SYN3: variants seen among roughly 807,000 people sequenced by gnomAD.
SYN3 encodes synapsin III, also known as synapsin-3.
SYN3 carries 35 observed loss-of-function variants against 65.8 expected under a neutral mutation model. That is an observed-to-expected ratio of 0.53 (90% CI 0.41 to 0.70). The LOEUF (loss-of-function observed/expected upper bound fraction) is 0.70. Ranked by LOEUF, SYN3 falls within the 30% of genes least tolerant of loss-of-function variation. SYN3 has a pLI of 0.00. For synonymous variants in SYN3, 270 were observed against 292.9 expected, an observed-to-expected ratio of 0.92 and a Z score of 0.80; for missense variants, 680 against 749.0, an observed-to-expected ratio of 0.91 and a Z score of 1.08.
intron 4 of SYN3, among the ~76,000 whole-genome samples, chr22:32,878,918 G>A (rs2049051978): frequency 6.6e-6 from 1 of 152,120 alleles, no homozygotes; most frequent in Non-Finnish European, 1.5e-5. Context: ...GTCCTGCATG[G>A]CCCTTGTGAC....
intron 3 of SYN3, among the ~76,000 whole-genome samples, chr22:32,980,380 C>T (rs367819554): frequency 6.6e-6 from 1 of 152,206 alleles, no homozygotes; most frequent in African/African-American, 2.4e-5. Flanking sequence ...TCCATCAGAG[C>T]AGCTCTACGT....
chr22:32,580,726 A>G (rs2058927313), intron 7 of SYN3, among the ~76,000 whole-genome samples: 1 of 152,202 alleles, frequency 6.6e-6, no homozygotes, highest in Admixed American at 6.5e-5. Flanking sequence ...CTGCCCATTC[A>G]TTTACGTATT....
At chr22:32,615,064 C>T (rs966068881) in intron 6 of SYN3, among the ~76,000 whole-genome samples, 1 of 152,124 alleles carries the variant, frequency 6.6e-6, no homozygotes, top group Non-Finnish European at 1.5e-5. Context: ...TGACACTCTG[C>T]TAAGTGCTGA....
At chr22:32,949,138 C>A (rs1411350655) in intron 3 of SYN3, among the ~76,000 whole-genome samples, 1 of 152,118 alleles carries the variant, frequency 6.6e-6, no homozygotes, top group East Asian at 1.9e-4. Flanking sequence ...TGGCCGGGCA[C>A]AGCAGCTCAC....
intron 6 of SYN3, among the ~76,000 whole-genome samples, chr22:32,710,504 A>AATG (rs540313688): frequency 1.1e-3 from 161 of 152,076 alleles, no homozygotes; most frequent in African/African-American, 3.2e-3. Context: ...GTGGTGGCAC[A>AATG]TGCCTGTAAT....
intron 1 of SYN3, among the ~76,000 whole-genome samples, chr22:33,008,743 C>T (rs1381476868): frequency 6.7e-6 from 1 of 150,084 alleles, no homozygotes; most frequent in Non-Finnish European, 1.5e-5. Flanking sequence ...GCAAAACTCT[C>T]TCTCTACTAA....
chr22:32,593,207 T>C (rs1215188260), intron 7 of SYN3, among the ~76,000 whole-genome samples: 4 of 152,148 alleles, frequency 2.6e-5, no homozygotes, highest in Non-Finnish European at 5.9e-5. Context: ...TTTCCCTTGA[T>C]CTCAGCATTT....
chr22:32,927,263 CTTTTTTT>C (rs5845052), intron 4 of SYN3, among the ~76,000 whole-genome samples: 2,767 of 125,562 alleles, frequency 0.022, 108 homozygotes, highest in African/African-American at 0.077. Flanking sequence ...AATATATTTA[CTTTTTTT>C]TTTTTTTTTT....
At position 32,859,126 on chromosome 22, in the gene SYN3, G is replaced by C. The variant is rs184622258; in HGVS notation, c.711+5789C>G. ...CTGAATCCAGGCTCGGTAGCCTCAG[G>C]CCTGGGCATACCATGGCAGAGTCCA... On this transcript the variant is annotated intron_variant, in intron 6 of 13. Coordinates refer to ENST00000358763, the MANE Select transcript of SYN3 (RefSeq NM_003490.4). 3.9e-4 allele frequency: 618 copies of C among 1,599,504 alleles called. 2 individuals carry two copies. The highest frequency in any genetic ancestry group is 1.7e-3 in the Admixed American group (102 of 60,002).
At chr22:32,800,614 T>C (rs951300874) in intron 6 of SYN3, among the ~76,000 whole-genome samples, 2 of 152,226 alleles carry the variant, frequency 1.3e-5, no homozygotes, top group African/African-American at 4.8e-5. Context: ...AATCATCTAT[T>C]ATAGCTAGTC....
At chr22:32,585,444 C>T (rs2059009429) in intron 7 of SYN3, among the ~76,000 whole-genome samples, 1 of 152,184 alleles carries the variant, frequency 6.6e-6, no homozygotes, top group Admixed American at 6.5e-5. Flanking sequence ...TTCACTAGCT[C>T]TCCCAAGTGA....
intron 1 of SYN3, among the ~76,000 whole-genome samples, chr22:33,042,769 G>GA (rs1369629796): frequency 6.6e-6 from 1 of 152,156 alleles, no homozygotes; most frequent in Non-Finnish European, 1.5e-5. Flanking sequence ...CTATGTAACA[G>GA]AAGAGTCAGG....
chr22:32,522,244 C>G (rs1226131637), intron 12 of SYN3, among the ~76,000 whole-genome samples: 1 of 152,174 alleles, frequency 6.6e-6, no homozygotes, highest in African/African-American at 2.4e-5. Context: ...TATTTTTAAT[C>G]TGAGCGTTAA....
chr22:32,539,867 T>C (rs1042175713), intron 8 of SYN3, among the ~76,000 whole-genome samples: 2 of 150,708 alleles, frequency 1.3e-5, no homozygotes, highest in African/African-American at 2.4e-5. Flanking sequence ...GGAAATGATA[T>C]CATGGCTGAA....
intron 6 of SYN3, among the ~76,000 whole-genome samples, chr22:32,625,803 C>T (rs1050738192): frequency 3.3e-5 from 5 of 152,160 alleles, no homozygotes; most frequent in Admixed American, 2.6e-4. Flanking sequence ...TTACTGAGCA[C>T]CTGCAATGTT....
At chr22:33,021,051 A>T (rs1569409886) in intron 1 of SYN3, among the ~76,000 whole-genome samples, 1 of 152,098 alleles carries the variant, frequency 6.6e-6, no homozygotes, top group Non-Finnish European at 1.5e-5. Context: ...TTTTTAGACA[A>T]TGTGTTTCCC....
chr22:33,046,841 T>TAA (rs71187229), intron 1 of SYN3, among the ~76,000 whole-genome samples: 948 of 92,772 alleles, frequency 0.01, 10 homozygotes, highest in Non-Finnish European at 0.014. Context: ...AGTCTCTGTT[T>TAA]AAAAAAAAAA....
intron 7 of SYN3, among the ~76,000 whole-genome samples, chr22:32,575,358 A>T (rs1376299720): frequency 6.6e-6 from 1 of 152,110 alleles, no homozygotes; most frequent in Non-Finnish European, 1.5e-5. Context: ...TTTGATATTG[A>T]GATGCGGTGG....
At chr22:32,649,327 A>AT (rs1466190617) in intron 6 of SYN3, among the ~76,000 whole-genome samples, 3 of 152,180 alleles carry the variant, frequency 2.0e-5, no homozygotes, top group Non-Finnish European at 2.9e-5. Flanking sequence ...AAGAATAATT[A>AT]TTTTTTAAGC....
Sources: allele counts gnomAD v4.1 joint callset (sites outside exome capture counted in the v4.1 genomes callset), GRCh38; gene constraint gnomAD v4.1.1; transcripts MANE v1.5; gene names NCBI Gene and HGNC (gene_info 2026-07-23, HGNC 2026-07-21).